Variants in GPC6 observed in about 807,000 individuals in gnomAD.
GPC6 encodes glypican-6.
In GPC6, 14 loss-of-function variants were observed where a neutral mutation model predicts 55.2. The observed-to-expected ratio is 0.25, with a 90% confidence interval of 0.17 to 0.40. The LOEUF (loss-of-function observed/expected upper bound fraction) is 0.40. Among genes scored for constraint, GPC6 ranks in the 10% least tolerant of loss-of-function variants. GPC6 has a pLI of 1.00. For missense variants in GPC6, 641 were observed against 708.5 expected (o/e 0.90, Z 1.08); for synonymous variants, 278 against 259.6 (o/e 1.07, Z -0.68).
chr13:94,359,662 CTT>C (rs35484045), intron 6 of GPC6, among the ~76,000 whole-genome samples: 3 of 146,672 alleles, frequency 2.0e-5, no homozygotes, highest in Non-Finnish European at 3.0e-5. Context: ...TTGCTGAGAC[CTT>C]TTTTTTTTTG....
chr13:94,040,685 G>C (rs1216916959), intron 4 of GPC6, among the ~76,000 whole-genome samples: 2 of 151,902 alleles, frequency 1.3e-5, no homozygotes, highest in Non-Finnish European at 2.9e-5. Context: ...CATGTGGCCA[G>C]ATGAAAGGCT....
chr13:93,227,513 C>T lies in GPC6; in HGVS notation c.57C>T (p.Leu19=), dbSNP rs1485698502. 2 of 1,613,850 alleles carry T rather than the reference C, an allele frequency of 1.2e-6. No homozygotes were observed. The highest frequency in any genetic ancestry group is 2.2e-5 in the East Asian group (1 of 44,832). ...CCCTCTTGGGGCTGCTGCTCTCCCT[C>T]CCCGCCGGGGCGGATGTGAAGGCTC... ...ILPLLGLLLS[L]PAGADVKARS... is the part of the protein sequence containing the mutation. The change falls in exon 1 of 9, where the codon CTC becomes CTT. Residue 19 remains leucine (L), a synonymous_variant. Coordinates refer to ENST00000377047, the MANE Select transcript of GPC6 (RefSeq NM_005708.5). The surrounding 1 kb of genome is among the most constrained non-coding windows in gnomAD (Gnocchi z 4.3).
At chr13:93,873,583 A>G (rs531432271) in intron 3 of GPC6, among the ~76,000 whole-genome samples, 1 of 152,084 alleles carries the variant, frequency 6.6e-6, no homozygotes, top group East Asian at 2.0e-4. Flanking sequence ...TGCACAAGAC[A>G]GCCCCTATGA....
rs142454617 is a variant in GPC6 at position 93,485,613 on chromosome 13, T to G, written c.161-59650T>G. Among the ~76,000 whole-genome samples the G allele has an allele frequency of 8.1e-4, 123 of 152,284 alleles. 3 individuals are homozygous for G. The highest frequency in any genetic ancestry group is 4.8e-4 in the African/African-American group (20 of 41,562). On this transcript the variant is annotated intron_variant, in intron 1 of 8. Coordinates refer to ENST00000377047, the MANE Select transcript of GPC6 (RefSeq NM_005708.5). ...TAGTTACCTTGGACATGTTCCAAAT[T>G]TGTTTATGAATAAGTTTAATTGAGT...
At chr13:94,173,913 G>T (rs1227474094) in intron 4 of GPC6, among the ~76,000 whole-genome samples, 1 of 152,108 alleles carries the variant, frequency 6.6e-6, no homozygotes, top group East Asian at 1.9e-4. Flanking sequence ...TAACGTAATT[G>T]CAAAGTGCTC....
At chr13:93,742,384 G>A (rs7319458) in intron 2 of GPC6, among the ~76,000 whole-genome samples, 20 of 152,238 alleles carry the variant, frequency 1.3e-4, no homozygotes, top group African/African-American at 4.1e-4. Context: ...GAAGAAGTTG[G>A]CCCTAAAATA....
intron 2 of GPC6, among the ~76,000 whole-genome samples, chr13:93,760,205 A>G (rs1034373558): frequency 1.3e-5 from 2 of 152,176 alleles, no homozygotes; most frequent in Non-Finnish European, 2.9e-5. Flanking sequence ...AATATTAAGT[A>G]ACTAATAGTC....
At chr13:94,324,427 CT>C (rs1346546612) in intron 6 of GPC6, among the ~76,000 whole-genome samples, 6 of 151,956 alleles carry the variant, frequency 3.9e-5, no homozygotes, top group African/African-American at 1.5e-4. Flanking sequence ...TTGAAATAGC[CT>C]TTTTAAAAAA....
intron 7 of GPC6, among the ~76,000 whole-genome samples, chr13:94,388,471 G>C (rs1168110907): frequency 1.3e-5 from 2 of 152,194 alleles, no homozygotes; most frequent in Non-Finnish European, 2.9e-5. Flanking sequence ...TAGAAATACA[G>C]CACAGCCTTC....
rs541842549 is a variant in GPC6 at position 93,613,165 on chromosome 13, T to C, written c.319+67744T>C. Among the ~76,000 whole-genome samples the C allele has an allele frequency of 7.2e-5, 11 of 152,272 alleles. No individual in the cohort carries two copies. The South Asian group carries it at 1.9e-3, about 26-fold the overall frequency. On this transcript the variant is annotated intron_variant, in intron 2 of 8. Transcript: ENST00000377047. ...CGAAAATTAAGGCTGAAAGTTGCAT[T>C]GGCCCCCTCTTTACTATCTCTTCCT...
At chr13:93,242,592 G>A (rs773452955) in intron 1 of GPC6, among the ~76,000 whole-genome samples, 41 of 152,230 alleles carry the variant, frequency 2.7e-4, no homozygotes, top group Middle Eastern at 3.4e-3. Flanking sequence ...TCCCCTCTAC[G>A]TCACTTCATG....
chr13:93,497,374 G>T (rs1174019369), intron 1 of GPC6, among the ~76,000 whole-genome samples: 1 of 152,174 alleles, frequency 6.6e-6, no homozygotes, highest in African/African-American at 2.4e-5. Flanking sequence ...TAAAATAAAG[G>T]ATTACAGAGC....
chr13:93,252,271 T>C (rs184146539), intron 1 of GPC6, among the ~76,000 whole-genome samples: 146 of 152,202 alleles, frequency 9.6e-4, no homozygotes, highest in African/African-American at 3.0e-3. Context: ...CCCTTTTTTT[T>C]CCCCCCAGGG....
chr13:93,283,130 T>C (rs1878001289), intron 1 of GPC6, among the ~76,000 whole-genome samples: 1 of 152,032 alleles, frequency 6.6e-6, no homozygotes, highest in Admixed American at 6.6e-5. Flanking sequence ...TACATTTTGA[T>C]TTTAAATTTT....
At chr13:93,460,115 A>G (rs114207047) in intron 1 of GPC6, among the ~76,000 whole-genome samples, 120 of 152,314 alleles carry the variant, frequency 7.9e-4, no homozygotes, top group African/African-American at 2.7e-3. Flanking sequence ...GCTGGCTTCC[A>G]TACAAAATTC....
chr13:93,907,814 T>A (rs1169175327), intron 3 of GPC6, among the ~76,000 whole-genome samples: 1 of 152,154 alleles, frequency 6.6e-6, no homozygotes, highest in South Asian at 2.1e-4. Context: ...ATATTAGTTA[T>A]ACAGTTTTTG....
At chr13:93,545,656 C>G (rs1874749923) in intron 2 of GPC6, among the ~76,000 whole-genome samples, 1 of 151,484 alleles carries the variant, frequency 6.6e-6, no homozygotes, top group African/African-American at 2.4e-5. Context: ...TGTGCTTTGC[C>G]TGTGAGATTT....
At chr13:94,197,391 C>T (rs1889612346) in intron 4 of GPC6, among the ~76,000 whole-genome samples, 1 of 152,196 alleles carries the variant, frequency 6.6e-6, no homozygotes, top group Admixed American at 6.5e-5. Context: ...ATACCACAAA[C>T]TGGGTGTCTT....
chr13:93,315,778 T>G (rs1178044785), intron 1 of GPC6, among the ~76,000 whole-genome samples: 6 of 151,770 alleles, frequency 4.0e-5, no homozygotes, highest in African/African-American at 1.5e-4. Context: ...TAACCATGTA[T>G]GTAGTCAGTC....
Sources: gnomAD v4.1 joint callset for allele counts (sites outside exome capture counted in the v4.1 genomes callset) on GRCh38, gnomAD v4.1.1 for gene constraint, Gnocchi (gnomAD v3.1) non-coding constraint, MANE v1.5 for transcripts, NCBI Gene and HGNC (gene_info 2026-07-23, HGNC 2026-07-21) for gene names.